The following RSBN1 variants were observed in gnomAD, a reference collection of about 807,000 sequenced individuals.
The protein encoded by RSBN1 is round spermatid basic protein 1.
RSBN1 carries 23 observed loss-of-function variants against 74.8 expected under a neutral mutation model. The observed-to-expected ratio is 0.31, with a 90% CI of 0.22 to 0.44. The LOEUF is 0.44. Among genes scored for constraint, RSBN1 ranks in the 20% least tolerant of loss-of-function variants. RSBN1 has a pLI of 1.00. For synonymous variants in RSBN1, 407 were observed against 379.6 expected (o/e 1.07, Z -0.84); for missense variants, 808 against 1,020.9 (o/e 0.79, Z 2.84).
chr1:113,808,598 G>C (rs943880945), intron 1 of RSBN1, among the ~76,000 whole-genome samples: 1 of 152,108 alleles, frequency 6.6e-6, no homozygotes, highest in South Asian at 2.1e-4. Flanking sequence ...TTTCTTATAC[G>C]GGAATGATTC....
intron 1 of RSBN1, 74 bp from the exon 2 acceptor site, chr1:113,798,110 C>A: frequency 7.7e-7 from 1 of 1,294,904 alleles, no homozygotes; most frequent in Non-Finnish European, 1.1e-6. Context: ...GGTACTTGAT[C>A]TCATTAAATA....
rs376207062 is a variant in RSBN1, at chr1:113,812,232, C to T, written c.181G>A (p.Ala61Thr). The stretch of plus-strand genomic sequence containing the variant: ...TCCGGCTCCTCCTGCGCCGCCACCG[C>T]CCGTACTACGCGCACCGCTCCGACC... ...AQVGAVRVVRAVAAQEEPDKE... is the reference protein window; with the variant it reads ...AQVGAVRVVRTVAAQEEPDKE... Residue 61 changes from alanine (A) to threonine (T), a missense_variant, in exon 1 of 7, where the codon GCG (alanine) becomes ACG (threonine). Coordinates refer to ENST00000261441, the MANE Select transcript of RSBN1 (RefSeq NM_018364.5). 347 of 1,606,638 alleles carry T rather than the reference C, an allele frequency of 2.2e-4. No homozygotes were observed. Among genetic ancestry groups the T allele is most frequent in the Non-Finnish European group, 2.8e-4 (328 of 1,179,868 alleles).
rs79620457 is a variant in RSBN1, at chr1:113,776,900, C to T, written c.1658+310G>A. Among the ~76,000 whole-genome samples the T allele has an allele frequency of 1.4e-3, 205 of 151,174 alleles. 1 individual carries two copies. Among genetic ancestry groups the T allele is most frequent in the African/African-American group, 4.7e-3 (192 of 41,202 alleles). On this transcript the variant is annotated intron_variant, in intron 4 of 6. Transcript: ENST00000261441. ...GTGAATTCGGTATGGCCGGAGAAGA[C>T]TAAACACAGATACATCTAGAAGAGG...
Position 113,766,259 on chromosome 1 carries a change from G to C in RSBN1, c.2130C>G (p.Ala710=), listed in dbSNP as rs755996201. The C allele has an allele frequency of 1.6e-5, 26 of 1,613,958 alleles. No homozygotes were observed. The highest frequency in any genetic ancestry group is 2.1e-5 in the Non-Finnish European group (25 of 1,179,988). Residue 710 remains alanine (A), a synonymous_variant, in exon 7 of 7, where the codon GCC becomes GCG. Transcript: ENST00000261441. The part of the protein sequence containing the change: ...RLKQYHPVVE[A]TQNTESNSNM... The stretch of plus-strand genomic sequence containing the variant: ...TAGAATTGCTTTCTGTGTTTTGAGT[G>C]GCTTCCACAACAGGGTGGTACTGTT...
chr1:113,767,123 A>C lies in RSBN1; in HGVS notation c.1911T>G (p.Asp637Glu). 1 of 1,606,438 alleles carries C rather than the reference A, an allele frequency of 6.2e-7. No homozygotes were observed. The highest frequency in any genetic ancestry group is 8.5e-7 in the Non-Finnish European group (1 of 1,174,582). ...CCTGGGAAACTGGAGGTTCATGAAG[A>C]TCTAACTGAAGTCTTTGTACAACAT... ...FTDVVQRLQL[D>E]LHEPPVSQCV... Residue 637 changes from aspartate to glutamate, a missense_variant, in exon 6 of 7, where the codon GAT becomes GAG. By Grantham distance (45) the Asp-to-Glu change is conservative. Coordinates refer to ENST00000261441, the MANE Select transcript of RSBN1 (RefSeq NM_018364.5).
intron 2 of RSBN1, chr1:113,796,338 G>T (rs1490463610): frequency 6.6e-6 from 1 of 152,014 alleles, no homozygotes; most frequent in East Asian, 1.9e-4. Flanking sequence ...AAATTCTGAA[G>T]CTCATAAATC....
chr1:113,791,326 T>C (rs184582080), intron 2 of RSBN1, among the ~76,000 whole-genome samples: 1 of 152,246 alleles, frequency 6.6e-6, no homozygotes, highest in East Asian at 1.9e-4. Context: ...CTGCTGTCAA[T>C]ACATATGTAG....
At chr1:113,808,672 A>T (rs1418553938) in intron 1 of RSBN1, among the ~76,000 whole-genome samples, 3 of 152,220 alleles carry the variant, frequency 2.0e-5, no homozygotes, top group Non-Finnish European at 4.4e-5. Flanking sequence ...AGAGGGATGG[A>T]TCTCAGGGAC....
intron 2 of RSBN1, among the ~76,000 whole-genome samples, chr1:113,793,004 T>C (rs757419650): frequency 2.6e-5 from 4 of 152,236 alleles, no homozygotes; most frequent in African/African-American, 7.2e-5. Flanking sequence ...AAACCCTATA[T>C]GTGGATCCTA....
intron 2 of RSBN1, among the ~76,000 whole-genome samples, chr1:113,793,273 C>A (rs1660404150): frequency 2.0e-5 from 3 of 152,136 alleles, no homozygotes; most frequent in Non-Finnish European, 4.4e-5. Context: ...TAGCAAGGTT[C>A]TAAAGAAAAG....
At chr1:113,806,368 T>C (rs1660699466) in intron 1 of RSBN1, among the ~76,000 whole-genome samples, 2 of 151,466 alleles carry the variant, frequency 1.3e-5, no homozygotes, top group Admixed American at 1.3e-4. Flanking sequence ...CATTACAGGT[T>C]GTACTGATTT....
intron 5 of RSBN1, chr1:113,767,981 G>C (rs571213659): frequency 6.1e-6 from 2 of 330,378 alleles, no homozygotes; most frequent in South Asian, 2.0e-4. Context: ...GAGTAAAAGA[G>C]GAATTGTTGT....
Position 113,797,991 on chromosome 1 carries a change from A to G in RSBN1, c.749T>C (p.Val250Ala). Residue 250 changes from valine to alanine, a missense_variant, in exon 2 of 7, where the codon GTC (valine) becomes GCC (alanine). By Grantham distance (64) the Val-to-Ala change is moderately conservative. Around this residue, in one of 6 missense-constraint regions of RSBN1, gnomAD observed 464 missense variants for 401.0 expected, o/e 1.16. Transcript: ENST00000261441. ...CTTTTTCTTCTTTATTTTCTTCAAG[A>G]CAAAATCATCGGCTCTCTGGGTTTT... ...NGKTQRADDF[V>A]LKKIKKKKKK... 6.2e-7 allele frequency: 1 copy of G among 1,611,126 alleles called. No individual in the cohort carries two copies. The highest frequency in any genetic ancestry group is 8.5e-7 in the Non-Finnish European group (1 of 1,179,326).
chr1:113,777,527 CTAA>C (rs1660055808), intron 3 of RSBN1, 141 bp downstream of exon 3: 1 of 928,556 alleles, frequency 1.1e-6, no homozygotes, highest in African/African-American at 1.7e-5. Context: ...GTACTTTGTA[CTAA>C]TATTATTCTA....
intron 1 of RSBN1, among the ~76,000 whole-genome samples, chr1:113,808,509 T>C (rs1475786838): frequency 6.6e-6 from 1 of 152,172 alleles, no homozygotes; most frequent in Non-Finnish European, 1.5e-5. Context: ...AAAAGTTACA[T>C]GCACACAAAA....
At position 113,767,214 on chromosome 1, in the gene RSBN1, T is replaced by C; in HGVS notation, c.1827-7A>G. 1 of 1,503,914 alleles carries C rather than the reference T, an allele frequency of 6.6e-7. No individual in the cohort carries two copies. The highest frequency in any genetic ancestry group is 9.1e-7 in the Non-Finnish European group (1 of 1,100,790). 93.2% of individuals were successfully genotyped at this position (1,503,914 alleles called of 1,614,324 possible). ...TATGCGAGGTTGGTCACTCCTAAGA[T>C]TAACAAAATTAAGTTTCAGAGACAA... On this transcript the variant is annotated splice_polypyrimidine_tract_variant and splice_region_variant and intron_variant, in intron 5 of 6. Transcript: ENST00000261441.
At chr1:113,790,836 C>T (rs1571304416) in intron 2 of RSBN1, among the ~76,000 whole-genome samples, 2 of 152,160 alleles carry the variant, frequency 1.3e-5, no homozygotes, top group African/African-American at 2.4e-5. Flanking sequence ...GGAATCAAGT[C>T]GGTCAAGGTA....
chr1:113,795,305 T>C (rs575132130), intron 2 of RSBN1, among the ~76,000 whole-genome samples: 56 of 152,340 alleles, frequency 3.7e-4, no homozygotes, highest in African/African-American at 1.3e-3. Flanking sequence ...CAGCCTCAGT[T>C]TCTTCCATGG....
rs568666920 is a variant in RSBN1, at chr1:113,761,962, A to G, written c.*4018T>C. ...CACACTTAGACAGCTACAAAAAAGC[A>G]CTGTGTTAAAAGGATTATTCACACA... is the stretch of plus-strand genomic sequence containing the variant. On this transcript the variant is annotated 3_prime_UTR_variant, in exon 7 of 7. Transcript: ENST00000261441. 2.0e-5 allele frequency: 3 copies of G among 152,794 alleles called. No homozygotes were observed. Among genetic ancestry groups the G allele is most frequent in the Non-Finnish European group, 4.4e-5 (3 of 68,026 alleles). The allele number at this position is 152,794 out of a possible 1,614,324, so 9.5% of individuals were successfully genotyped here.
Sources: gnomAD v4.1 joint callset for allele counts (sites outside exome capture counted in the v4.1 genomes callset) on GRCh38, gnomAD v4.1.1 for gene constraint, gnomAD v4.1.1 regional missense constraint, MANE v1.5 for transcripts, NCBI Gene and HGNC (gene_info 2026-07-23, HGNC 2026-07-21) for gene names.